The following ARB2A variants were observed in gnomAD, a reference collection of about 807,000 sequenced individuals.
The protein encoded by ARB2A is ARB2 cotranscriptional regulator A.
chr5:93,848,783 T>G, the ARB2A span, among the ~76,000 whole-genome samples: 1 of 152,148 alleles, frequency 6.6e-6, no homozygotes, highest in African/African-American at 2.4e-5. Flanking sequence ...TTGTTGGGAG[T>G]AGACTGTCAC....
At chr5:93,853,860 C>G in the ARB2A span, among the ~76,000 whole-genome samples, 1 of 152,084 alleles carries the variant, frequency 6.6e-6, no homozygotes, top group Non-Finnish European at 1.5e-5. Context: ...TTCAGTTTGC[C>G]AGTATTTTAT....
the ARB2A span, among the ~76,000 whole-genome samples, chr5:93,703,498 G>C: frequency 6.6e-6 from 1 of 152,160 alleles, no homozygotes; most frequent in African/African-American, 2.4e-5. Context: ...CACATTTGTG[G>C]AAAAAATAGC....
the ARB2A span, among the ~76,000 whole-genome samples, chr5:93,672,736 T>C: frequency 6.6e-6 from 1 of 152,186 alleles, no homozygotes; most frequent in Non-Finnish European, 1.5e-5. Flanking sequence ...GTGCTTAAAT[T>C]TGAAGAAAAT....
the ARB2A span, among the ~76,000 whole-genome samples, chr5:93,981,718 T>C: frequency 2.0e-5 from 3 of 152,058 alleles, no homozygotes; most frequent in Non-Finnish European, 4.4e-5. Flanking sequence ...GTAGCTAATA[T>C]GAACAGGCCC....
the ARB2A span, chr5:93,805,403 C>G: frequency 1.0e-6 from 1 of 984,964 alleles, no homozygotes; most frequent in East Asian, 1.1e-4. Flanking sequence ...CAGCAAAACC[C>G]CCGTTTCCCC....
At chr5:93,990,068 T>C in the ARB2A span, among the ~76,000 whole-genome samples, 1 of 152,088 alleles carries the variant, frequency 6.6e-6, no homozygotes, top group Non-Finnish European at 1.5e-5. Flanking sequence ...AGGTTAGTAA[T>C]ACATATCAGT....
chr5:93,969,030 T>C, the ARB2A span, among the ~76,000 whole-genome samples: 1 of 150,112 alleles, frequency 6.7e-6, no homozygotes, highest in Non-Finnish European at 1.5e-5. Context: ...TTTTTTTTTT[T>C]TTTTTTTGCC....
the ARB2A span, among the ~76,000 whole-genome samples, chr5:93,890,969 C>T: frequency 4.6e-5 from 7 of 152,040 alleles, no homozygotes; most frequent in African/African-American, 1.7e-4. Context: ...ATTAATTGCC[C>T]CATGTCAAAC....
At chr5:93,632,835 T>C in the ARB2A span, among the ~76,000 whole-genome samples, 1,011 of 152,308 alleles carry the variant, frequency 6.6e-3, 11 homozygotes, top group East Asian at 0.019. Context: ...TAAAACAATA[T>C]TTGAAGGTAG....
chr5:93,823,247 T>C, the ARB2A span, among the ~76,000 whole-genome samples: 9 of 152,332 alleles, frequency 5.9e-5, no homozygotes, highest in African/African-American at 1.9e-4. Context: ...ACATTAACCA[T>C]GCTGGCCCAT....
the ARB2A span, among the ~76,000 whole-genome samples, chr5:93,876,802 G>C: frequency 6.6e-6 from 1 of 151,856 alleles, no homozygotes. Context: ...GCACAGAAGA[G>C]ATTCAGAACT....
chr5:93,934,782 G>T, the ARB2A span, among the ~76,000 whole-genome samples: 1 of 152,212 alleles, frequency 6.6e-6, no homozygotes, highest in Non-Finnish European at 1.5e-5. Context: ...CAGGGGGAAA[G>T]AGTGGAATAT....
the ARB2A span, among the ~76,000 whole-genome samples, chr5:93,876,083 T>C: frequency 2.4e-4 from 37 of 152,364 alleles, no homozygotes; most frequent in South Asian, 2.1e-4. Flanking sequence ...TAAAATTCAT[T>C]ATGAATTAAT....
chr5:93,765,776 G>T, the ARB2A span, among the ~76,000 whole-genome samples: 1 of 152,096 alleles, frequency 6.6e-6, no homozygotes, highest in African/African-American at 2.4e-5. Flanking sequence ...CACACTACCT[G>T]ACTTCAAACT....
chr5:93,632,192 A>G, the ARB2A span, among the ~76,000 whole-genome samples: 3 of 152,312 alleles, frequency 2.0e-5, no homozygotes, highest in Admixed American at 1.3e-4. Flanking sequence ...ACTAAGAAGA[A>G]AACCCAATAG....
chr5:93,674,759 A>AT, the ARB2A span, among the ~76,000 whole-genome samples: 2 of 152,266 alleles, frequency 1.3e-5, no homozygotes, highest in Admixed American at 6.5e-5. Context: ...AGTGTGCTAT[A>AT]TTTTTTTACA....
At chr5:93,787,182 A>T in the ARB2A span, among the ~76,000 whole-genome samples, 1 of 152,190 alleles carries the variant, frequency 6.6e-6, no homozygotes, top group Non-Finnish European at 1.5e-5. Flanking sequence ...AAAAAAGATA[A>T]GACCATGTGA....
the ARB2A span, among the ~76,000 whole-genome samples, chr5:93,902,034 G>C: frequency 6.6e-6 from 1 of 151,956 alleles, no homozygotes; most frequent in African/African-American, 2.4e-5. Context: ...TGATGGAAAG[G>C]AAAAATGGCA....
chr5:93,940,880 A>G, the ARB2A span, among the ~76,000 whole-genome samples: 38 of 152,160 alleles, frequency 2.5e-4, 1 homozygote, highest in African/African-American at 8.9e-4. Context: ...TTTCTACTTC[A>G]GTTCTTCTCA....
Sources: gnomAD v4.1 joint callset for allele counts (sites outside exome capture counted in the v4.1 genomes callset) on GRCh38, gnomAD v4.1.1 for gene constraint, MANE v1.5 for transcripts, NCBI Gene and HGNC (gene_info 2026-07-23, HGNC 2026-07-21) for gene names.